Variants in POFUT3 observed in about 807,000 individuals in gnomAD.
The protein encoded by POFUT3 is GDP-fucose protein O-fucosyltransferase 3.
the POFUT3 span, among the ~76,000 whole-genome samples, chr8:33,345,803 G>A: frequency 6.6e-6 from 1 of 151,458 alleles, no homozygotes; most frequent in Non-Finnish European, 1.5e-5. Context: ...CAGTAAAGCA[G>A]CTACAGAAGT....
the POFUT3 span, among the ~76,000 whole-genome samples, chr8:33,355,250 G>A: frequency 2.0e-5 from 3 of 152,228 alleles, no homozygotes; most frequent in Admixed American, 6.5e-5. Flanking sequence ...TCCTAAAGAA[G>A]GGAAAAACAG....
chr8:33,454,691 G>C, the POFUT3 span, among the ~76,000 whole-genome samples: 1 of 76,880 alleles, frequency 1.3e-5, no homozygotes, highest in African/African-American at 5.4e-5. Flanking sequence ...TTTTTTTTTT[G>C]AGACAGAGTC....
chr8:33,327,901 G>A, the POFUT3 span, among the ~76,000 whole-genome samples: 1 of 152,264 alleles, frequency 6.6e-6, no homozygotes, highest in South Asian at 2.1e-4. Context: ...ATTTCAGGCT[G>A]ATCCTGGAAA....
At chr8:33,377,150 T>G in the POFUT3 span, among the ~76,000 whole-genome samples, 8 of 151,630 alleles carry the variant, frequency 5.3e-5, no homozygotes, top group Non-Finnish European at 1.2e-4. Flanking sequence ...GAGAATCACT[T>G]GAAGCTGGGA....
chr8:33,454,657 C>G, the POFUT3 span, among the ~76,000 whole-genome samples: 2 of 151,474 alleles, frequency 1.3e-5, no homozygotes, highest in African/African-American at 4.9e-5. Context: ...GTAGGATATC[C>G]AGAAATAGTT....
the POFUT3 span, among the ~76,000 whole-genome samples, chr8:33,399,538 G>A: frequency 1.1e-4 from 17 of 152,318 alleles, no homozygotes; most frequent in African/African-American, 4.1e-4. Context: ...AAGACAGGGA[G>A]TCAATGATAA....
At chr8:33,345,320 G>T in the POFUT3 span, among the ~76,000 whole-genome samples, 1 of 151,744 alleles carries the variant, frequency 6.6e-6, no homozygotes, top group South Asian at 2.1e-4. Flanking sequence ...GAATTTACAC[G>T]ATTTAAAACA....
At chr8:33,430,215 T>C in the POFUT3 span, among the ~76,000 whole-genome samples, 1 of 152,150 alleles carries the variant, frequency 6.6e-6, no homozygotes, top group Non-Finnish European at 1.5e-5. Context: ...GCCAGGGAGA[T>C]CAATGTTACA....
the POFUT3 span, chr8:33,460,783 A>G: frequency 2.0e-6 from 2 of 983,240 alleles, no homozygotes; most frequent in Non-Finnish European, 2.4e-6. Context: ...TGTTTAAAAA[A>G]GGGGGGCAGG....
chr8:33,383,850 C>A, the POFUT3 span, among the ~76,000 whole-genome samples: 1 of 151,818 alleles, frequency 6.6e-6, no homozygotes, highest in African/African-American at 2.4e-5. Flanking sequence ...ACACCATCAT[C>A]TTGGAAAAAC....
chr8:33,439,882 C>T, the POFUT3 span, among the ~76,000 whole-genome samples: 18 of 151,854 alleles, frequency 1.2e-4, no homozygotes, highest in South Asian at 3.5e-3. Flanking sequence ...AAGCAAAAAA[C>T]GAAAAAGAAT....
At chr8:33,425,972 C>G in the POFUT3 span, among the ~76,000 whole-genome samples, 2,258 of 151,930 alleles carry the variant, frequency 0.015, 27 homozygotes, top group Middle Eastern at 0.041. Flanking sequence ...GGCATGATCT[C>G]GGCTCACTGC....
the POFUT3 span, among the ~76,000 whole-genome samples, chr8:33,317,784 AC>A: frequency 6.6e-6 from 1 of 151,892 alleles, no homozygotes. Flanking sequence ...TCTGTAACAC[AC>A]CCACTCATCA....
chr8:33,387,893 T>C, the POFUT3 span, among the ~76,000 whole-genome samples: 7 of 152,232 alleles, frequency 4.6e-5, no homozygotes, highest in African/African-American at 1.4e-4. Flanking sequence ...AGGCAAGTGC[T>C]ATGAGTGGGC....
At chr8:33,452,952 C>T in the POFUT3 span, 3 of 392,650 alleles carry the variant, frequency 7.6e-6, no homozygotes, top group Non-Finnish European at 1.4e-5. Context: ...CATCTCAAAG[C>T]ACAACTAGAA....
At chr8:33,444,674 C>T in the POFUT3 span, among the ~76,000 whole-genome samples, 1 of 151,892 alleles carries the variant, frequency 6.6e-6, no homozygotes, top group African/African-American at 2.4e-5. Flanking sequence ...AAAAATTAGC[C>T]AGGTGTGGTG....
At chr8:33,312,433 C>T in the POFUT3 span, among the ~76,000 whole-genome samples, 1 of 152,070 alleles carries the variant, frequency 6.6e-6, no homozygotes, top group African/African-American at 2.4e-5. Flanking sequence ...AGAAAGGATT[C>T]TTCCCTAGGC....
the POFUT3 span, chr8:33,461,526 G>A: frequency 1.2e-6 from 2 of 1,607,434 alleles, no homozygotes; most frequent in Non-Finnish European, 1.7e-6. Flanking sequence ...CAGAGCCCGA[G>A]ACAACTTCAC....
the POFUT3 span, among the ~76,000 whole-genome samples, chr8:33,393,990 T>A: frequency 6.6e-6 from 1 of 152,176 alleles, no homozygotes; most frequent in Non-Finnish European, 1.5e-5. Context: ...AAGGCCAACC[T>A]GGGCAACATA....
Sources: gnomAD v4.1 joint callset for allele counts (sites outside exome capture counted in the v4.1 genomes callset) on GRCh38, gnomAD v4.1.1 for gene constraint, MANE v1.5 for transcripts, NCBI Gene and HGNC (gene_info 2026-07-23, HGNC 2026-07-21) for gene names.